Variants in PRRC2C observed in about 807,000 individuals in gnomAD.
PRRC2C encodes the protein proline rich coiled-coil 2C.
In PRRC2C, 72 loss-of-function variants were observed where a neutral mutation model predicts 317.2. That is an observed-to-expected ratio of 0.23 (90% CI 0.19 to 0.28). The LOEUF (loss-of-function observed/expected upper bound fraction) is 0.28. Ranked by LOEUF, PRRC2C falls within the 10% of genes least tolerant of loss-of-function variation. The pLI is 1.00. For missense variants in PRRC2C, 3,074 were observed against 3,459.7 expected (o/e 0.89, Z 2.80); for synonymous variants, 1,296 against 1,205.9 (o/e 1.07, Z -1.55).
At chr1:171,559,506 T>G (rs12746196) in intron 19 of PRRC2C, among the ~76,000 whole-genome samples, 1 of 3,874 alleles carries the variant, frequency 2.6e-4, no homozygotes, top group Non-Finnish European at 6.7e-4. Context: ...GCATACCAAG[T>G]TTGTTTTTTT....
chr1:171,544,320 C>T (rs1248031179), intron 16 of PRRC2C, among the ~76,000 whole-genome samples: 3 of 152,118 alleles, frequency 2.0e-5, no homozygotes, highest in Admixed American at 6.6e-5. Context: ...GACAGGGATT[C>T]GCCATGTTTG....
At chr1:171,555,790 G>A (rs1232886610) in intron 18 of PRRC2C, among the ~76,000 whole-genome samples, 1 of 152,188 alleles carries the variant, frequency 6.6e-6, no homozygotes, top group African/African-American at 2.4e-5. Flanking sequence ...AGAGGCTGCA[G>A]AACAGCAAAT....
chr1:171,545,734 TTTA>T, intron 17 of PRRC2C, 47 bp downstream of exon 17: 1 of 1,117,112 alleles, frequency 9.0e-7, no homozygotes, highest in Non-Finnish European at 1.1e-6. Context: ...TATTTATTTA[TTTA>T]TTTATTTATT....
At chr1:171,543,647 T>C (rs958699088) in intron 16 of PRRC2C, among the ~76,000 whole-genome samples, 1 of 152,250 alleles carries the variant, frequency 6.6e-6, no homozygotes, top group African/African-American at 2.4e-5. Flanking sequence ...TTATTTGGAC[T>C]GTATGGTATT....
chr1:171,564,620 T>A (rs919165631), intron 20 of PRRC2C, among the ~76,000 whole-genome samples: 1 of 152,190 alleles, frequency 6.6e-6, no homozygotes, highest in Admixed American at 6.5e-5. Flanking sequence ...TGTGTGAACA[T>A]CATAGAGTCT....
chr1:171,505,593 G>A (rs1040487381), intron 1 of PRRC2C, among the ~76,000 whole-genome samples: 6 of 151,948 alleles, frequency 3.9e-5, no homozygotes, highest in Non-Finnish European at 8.8e-5. Context: ...GGAACTTTTA[G>A]TATAGTGTTG....
At chr1:171,521,019 T>A (rs1418537530) in intron 6 of PRRC2C, among the ~76,000 whole-genome samples, 1 of 151,988 alleles carries the variant, frequency 6.6e-6, no homozygotes, top group Non-Finnish European at 1.5e-5. Context: ...TTAGCCAGGA[T>A]GGTCTCCATC....
chr1:171,520,828 C>T lies in PRRC2C; in HGVS notation c.751-1349C>T, dbSNP rs555939022. 8.6e-5 allele frequency among the ~76,000 whole-genome samples: 10 copies of T among 116,252 alleles called. No homozygotes were observed. In the South Asian group the frequency reaches 2.2e-3, roughly 26 times the overall value. 76.3% of individuals were successfully genotyped at this position (116,252 alleles called of 152,430 possible). On this transcript the variant is annotated intron_variant, in intron 6 of 34. Coordinates refer to ENST00000647382, the MANE Select transcript of PRRC2C (RefSeq NM_001387844.1). ...TTTTTTTTTTTTTTTTTAATAAAGA[C>T]GGAGTTTCGCTCTGTTGCCAGGCTG...
Position 171,557,403 on chromosome 1 carries a change from T to C in PRRC2C, c.5291T>C (p.Val1764Ala). Reference sequence around the variant, plus strand: ...CTTCCACCTTCAACCTCAGCTTCAGTTCCAGCCTCAACCTCAGCTCCACTT... The same window carrying C: ...CTTCCACCTTCAACCTCAGCTTCAGCTCCAGCCTCAACCTCAGCTCCACTT... ...APLPPSTSAS[V>A]PASTSAPLPA... Residue 1764 changes from valine (V) to alanine (A), a missense_variant, in exon 19 of 35, where the codon GTT becomes GCT. By Grantham distance (64) the Val-to-Ala change is moderately conservative (BLOSUM62 0). Coordinates refer to ENST00000647382, the MANE Select transcript of PRRC2C (RefSeq NM_001387844.1). 3 of 1,548,502 alleles carry C rather than the reference T, an allele frequency of 1.9e-6. No individual in the cohort carries two copies. The highest frequency in any genetic ancestry group is 2.6e-6 in the Non-Finnish European group (3 of 1,144,554).
chr1:171,557,380 T>C lies in PRRC2C; in HGVS notation c.5268T>C (p.Leu1756=). 1.9e-6 allele frequency: 3 copies of C among 1,551,698 alleles called. No individual in the cohort carries two copies. The highest frequency in any genetic ancestry group is 2.6e-6 in the Non-Finnish European group (3 of 1,146,996). ...ASVPPLASAP[L]PPSTSASVPA... The stretch of plus-strand genomic sequence containing the variant: ...TTCCACCTCTAGCTTCGGCTCCACT[T>C]CCACCTTCAACCTCAGCTTCAGTTC... Residue 1756 remains leucine (L), a synonymous_variant, in exon 19 of 35, where the codon CTT becomes CTC. Coordinates refer to ENST00000647382, the MANE Select transcript of PRRC2C (RefSeq NM_001387844.1).
intron 5 of PRRC2C, 117 bp from the exon 6 acceptor site, chr1:171,517,473 CT>C: frequency 1.1e-6 from 1 of 945,898 alleles, no homozygotes; most frequent in Admixed American, 2.6e-5. Context: ...CTGGATTAGA[CT>C]TTTCCTGCTC....
At chr1:171,571,525 A>G (rs939150385) in intron 24 of PRRC2C, 104 bp downstream of exon 24, 5 of 822,936 alleles carry the variant, frequency 6.1e-6, no homozygotes, top group Non-Finnish European at 1.0e-5. Context: ...GTGGTAAGCA[A>G]CAATACTAAG....
intron 18 of PRRC2C, among the ~76,000 whole-genome samples, chr1:171,550,517 T>C (rs1034543645): frequency 5.3e-5 from 8 of 151,234 alleles, no homozygotes; most frequent in Non-Finnish European, 8.8e-5. Context: ...GTGCACAACA[T>C]GCAGGTTTGT....
At chr1:171,520,075 G>A (rs550539772) in intron 6 of PRRC2C, among the ~76,000 whole-genome samples, 1 of 152,102 alleles carries the variant, frequency 6.6e-6, no homozygotes, top group Non-Finnish European at 1.5e-5. Context: ...CGATTCTCCC[G>A]CCTCAACCTT....
At chr1:171,522,021 G>A (rs1175636337) in intron 6 of PRRC2C, among the ~76,000 whole-genome samples, 156 bp from the exon 7 acceptor site, 1 of 152,034 alleles carries the variant, frequency 6.6e-6, no homozygotes, top group African/African-American at 2.4e-5. Flanking sequence ...TTGCTATTGA[G>A]GATGAACAGA....
chr1:171,526,401 G>A (rs1412205638), intron 10 of PRRC2C, among the ~76,000 whole-genome samples: 3 of 152,148 alleles, frequency 2.0e-5, no homozygotes, highest in Non-Finnish European at 2.9e-5. Flanking sequence ...GGAGTTGCGC[G>A]ATCTTGGCTC....
intron 1 of PRRC2C, among the ~76,000 whole-genome samples, chr1:171,495,415 A>G (rs1317805577): frequency 6.6e-6 from 1 of 152,248 alleles, no homozygotes; most frequent in East Asian, 1.9e-4. Flanking sequence ...ATATTATTTC[A>G]TATGCCATGT....
intron 19 of PRRC2C, 146 bp downstream of exon 19, chr1:171,558,289 C>G: frequency 8.3e-7 from 1 of 1,210,204 alleles, no homozygotes; most frequent in African/African-American, 1.6e-5. Context: ...TCTCAACTTT[C>G]TTAAAATTTT....
At chr1:171,575,186 A>T (rs1685489395) in intron 25 of PRRC2C, 58 bp downstream of exon 25, 1 of 1,436,510 alleles carries the variant, frequency 7.0e-7, no homozygotes, top group Non-Finnish European at 9.5e-7. Flanking sequence ...ATTTTTTATG[A>T]TCTCTTCTTG....
Sources: gnomAD v4.1 joint callset for allele counts (sites outside exome capture counted in the v4.1 genomes callset) on GRCh38, gnomAD v4.1.1 for gene constraint, MANE v1.5 for transcripts, NCBI Gene and HGNC (gene_info 2026-07-23, HGNC 2026-07-21) for gene names.